Variants in BIRC6 observed in about 807,000 individuals in gnomAD.
BIRC6 encodes dual E2 ubiquitin-conjugating enzyme/E3 ubiquitin-protein ligase BIRC6.
A neutral mutation model predicts 503.3 loss-of-function variants in BIRC6; 98 were observed. That is an observed-to-expected ratio of 0.19 (90% CI 0.17 to 0.23). The LOEUF (loss-of-function observed/expected upper bound fraction) is 0.23, where lower values mean the gene tolerates loss of function less well. Among genes scored for constraint, BIRC6 ranks in the 10% least tolerant of loss-of-function variants. The probability of loss-of-function intolerance (pLI) is 1.00; values close to 1 mark genes in which losing one functional copy is unlikely to be tolerated. For synonymous variants in BIRC6, 2,240 were observed against 2,078.7 expected (o/e 1.08, Z -2.11); for missense variants, 5,360 against 5,806.0 (o/e 0.92, Z 2.50).
At chr2:32,482,726 C>A in intron 39 of BIRC6, 144 bp downstream of exon 39, 1 of 829,454 alleles carries the variant, frequency 1.2e-6, no homozygotes, top group Non-Finnish European at 1.8e-6. Flanking sequence ...CCATTCAGAG[C>A]TGTTTCTTTG....
At chr2:32,513,301 A>G in intron 54 of BIRC6, 147 bp downstream of exon 54, 1 of 634,522 alleles carries the variant, frequency 1.6e-6, no homozygotes. Context: ...TTTGAAATGA[A>G]TTGTCAAATA....
chr2:32,401,680 A>G, intron 8 of BIRC6, 57 bp downstream of exon 8: 1 of 1,450,332 alleles, frequency 6.9e-7, no homozygotes, highest in South Asian at 1.3e-5. Flanking sequence ...CCTAAATTTT[A>G]TATTCTCATA....
At chr2:32,506,763 A>G (rs1488771656) in intron 50 of BIRC6, among the ~76,000 whole-genome samples, 1 of 152,258 alleles carries the variant, frequency 6.6e-6, no homozygotes, top group African/African-American at 2.4e-5. Flanking sequence ...TGGAAATAAC[A>G]GTCTTTAGAA....
intron 61 of BIRC6, among the ~76,000 whole-genome samples, chr2:32,538,643 G>C (rs2057423957): frequency 6.6e-6 from 1 of 152,230 alleles, no homozygotes; most frequent in African/African-American, 2.4e-5. Context: ...ACAATGTACA[G>C]TGTATGGCTG....
chr2:32,420,406 G>T (rs761807278), intron 10 of BIRC6, among the ~76,000 whole-genome samples: 3 of 151,960 alleles, frequency 2.0e-5, no homozygotes, highest in Non-Finnish European at 4.4e-5. Flanking sequence ...ACTTCCTAAG[G>T]TTTTTTATTT....
At chr2:32,363,651 G>A (rs1383084585) in intron 1 of BIRC6, among the ~76,000 whole-genome samples, 2 of 152,138 alleles carry the variant, frequency 1.3e-5, no homozygotes, top group Non-Finnish European at 2.9e-5. Flanking sequence ...TGCGCTTTAT[G>A]TTAGGTAGTC....
intron 3 of BIRC6, among the ~76,000 whole-genome samples, chr2:32,387,008 A>G (rs555763519): frequency 1.3e-5 from 2 of 152,304 alleles, no homozygotes; most frequent in South Asian, 2.1e-4. Flanking sequence ...TTTGGGCTGA[A>G]ACTTTATTAA....
At position 32,611,457 on chromosome 2, in the gene BIRC6, A is replaced by C; in HGVS notation, c.14269A>C (p.Lys4757Gln). The stretch of plus-strand genomic sequence containing the variant: ...TTTACTTTTTCTCAAGGTAATACAC[A>C]AACATTTTTACTTGAAAAGAGTTGA... ...PSPCFKEVIH[K>Q]HFYLKRVEIM... The change falls in exon 73 of 74, where the codon AAA becomes CAA. Residue 4757 changes from lysine (K) to glutamine (Q), a missense_variant. Physicochemically the swap from Lys to Gln is moderately conservative, Grantham distance 53. Coordinates refer to ENST00000421745, the MANE Select transcript of BIRC6 (RefSeq NM_016252.4). 1 of 1,607,378 alleles carries C rather than the reference A, an allele frequency of 6.2e-7. No homozygotes were observed. The highest frequency in any genetic ancestry group is 1.1e-5 in the South Asian group (1 of 90,138).
chr2:32,587,538 A>G (rs930061942), intron 66 of BIRC6, among the ~76,000 whole-genome samples: 6 of 152,160 alleles, frequency 3.9e-5, no homozygotes, highest in East Asian at 1.9e-4. Flanking sequence ...AGCCTGGGCA[A>G]CAAGGCAAAA....
At chr2:32,374,829 C>G (rs898407288) in intron 1 of BIRC6, among the ~76,000 whole-genome samples, 4 of 152,206 alleles carry the variant, frequency 2.6e-5, no homozygotes, top group African/African-American at 9.6e-5. Flanking sequence ...TGGTCTCAAA[C>G]TCCTGGCTCA....
At position 32,444,892 on chromosome 2, in the gene BIRC6, C is replaced by T. The variant is rs543083903; in HGVS notation, c.4337-629C>T. Among the ~76,000 whole-genome samples the T allele has an allele frequency of 4.6e-5, 7 of 152,270 alleles. No homozygotes were observed. The South Asian group carries it at 1.2e-3, about 27-fold the overall frequency. On this transcript the variant is annotated intron_variant, in intron 20 of 73. Transcript: ENST00000421745. Reference sequence around the variant, plus strand: ...GGAATAGAACATTTTGACTCAGTTGCTCATTACGATAGTCTCTAATGTTTA... The same window carrying T: ...GGAATAGAACATTTTGACTCAGTTGTTCATTACGATAGTCTCTAATGTTTA...
chr2:32,418,906 T>G (rs988331921), intron 10 of BIRC6, among the ~76,000 whole-genome samples: 1 of 152,114 alleles, frequency 6.6e-6, no homozygotes, highest in African/African-American at 2.4e-5. Flanking sequence ...TGAGATCGCG[T>G]CACTTCACTC....
intron 66 of BIRC6, among the ~76,000 whole-genome samples, chr2:32,591,601 C>G (rs923362578): frequency 6.6e-6 from 1 of 152,106 alleles, no homozygotes; most frequent in Non-Finnish European, 1.5e-5. Flanking sequence ...AGAAAATAAC[C>G]TTTCTGGAAA....
At position 32,599,715 on chromosome 2, in the gene BIRC6, T is replaced by C. The variant is rs757876262; in HGVS notation, c.13831-24T>C. ...AGTGTTTAGGAATGTTAACATAGAC[T>C]TTTGTATGTTTATATATATCCAGGT... On this transcript the variant is annotated intron_variant, in intron 69 of 73. Transcript: ENST00000421745. 16 of 1,600,320 alleles carry C rather than the reference T, an allele frequency of 1.0e-5. 1 individual carries two copies. In the South Asian group the frequency reaches 1.8e-4, roughly 18 times the overall value.
At chr2:32,396,461 A>G (rs1054745892) in intron 6 of BIRC6, among the ~76,000 whole-genome samples, 5 of 152,228 alleles carry the variant, frequency 3.3e-5, no homozygotes, top group South Asian at 2.1e-4. Context: ...GCTAAAACGT[A>G]TTGCAGTGTA....
At chr2:32,602,333 A>G (rs2062117032) in intron 70 of BIRC6, among the ~76,000 whole-genome samples, 1 of 152,228 alleles carries the variant, frequency 6.6e-6, no homozygotes, top group Non-Finnish European at 1.5e-5. Context: ...TACATCAAAC[A>G]TTGGAAGATA....
At chr2:32,471,166 T>C (rs2148996523) in intron 32 of BIRC6, 42 bp downstream of exon 32, 3 of 1,545,488 alleles carry the variant, frequency 1.9e-6, no homozygotes, top group Non-Finnish European at 1.7e-6. Context: ...CAGAAGTTTA[T>C]AATAATATGT....
chr2:32,388,380 C>CA (rs560533546), intron 3 of BIRC6, among the ~76,000 whole-genome samples: 22,975 of 94,160 alleles, frequency 0.24, 2,440 homozygotes, highest in Non-Finnish European at 0.31. Flanking sequence ...GACTCCGTCT[C>CA]AAAAAAAAAA....
chr2:32,384,678 A>G (rs144197946), intron 3 of BIRC6, among the ~76,000 whole-genome samples: 2 of 152,298 alleles, frequency 1.3e-5, no homozygotes, highest in South Asian at 2.1e-4. Context: ...AGATTAGGCA[A>G]TCAGCAACAG....
Sources: gnomAD v4.1 joint callset for allele counts (sites outside exome capture counted in the v4.1 genomes callset) on GRCh38, gnomAD v4.1.1 for gene constraint, MANE v1.5 for transcripts, NCBI Gene and HGNC (gene_info 2026-07-23, HGNC 2026-07-21) for gene names.